The following IP6K1 variants were observed in gnomAD, a reference collection of about 807,000 sequenced individuals.
IP6K1 encodes the protein inositol hexakisphosphate kinase 1.
IP6K1 carries 13 observed loss-of-function variants against 38.3 expected under a neutral mutation model. That is an observed-to-expected ratio of 0.34 (90% CI 0.22 to 0.54). The LOEUF is 0.54. Among genes scored for constraint, IP6K1 ranks in the 20% least tolerant of loss-of-function variants. The pLI is 0.92. For missense variants in IP6K1, 397 were observed against 599.8 expected (o/e 0.66, Z 3.53); for synonymous variants, 212 against 229.9 (o/e 0.92, Z 0.70).
chr3:49,731,948 G>GAGA (rs1471539752), intron 4 of IP6K1, among the ~76,000 whole-genome samples: 1 of 145,246 alleles, frequency 6.9e-6, no homozygotes, highest in Non-Finnish European at 1.5e-5. Context: ...TTCTGGAGAT[G>GAGA]AGACAGGGTC....
intron 1 of IP6K1, among the ~76,000 whole-genome samples, chr3:49,767,895 A>T (rs761748946): frequency 6.6e-6 from 1 of 152,206 alleles, no homozygotes; most frequent in African/African-American, 2.4e-5. Flanking sequence ...AACCCAATTC[A>T]TAAATGGGCA....
chr3:49,782,372 T>C (rs1000642204), intron 1 of IP6K1, among the ~76,000 whole-genome samples: 5 of 152,024 alleles, frequency 3.3e-5, no homozygotes, highest in African/African-American at 4.8e-5. Context: ...TTTTTCACCA[T>C]GTTGGTCAGG....
At chr3:49,752,525 A>ATGTG (rs372243529) in intron 1 of IP6K1, among the ~76,000 whole-genome samples, 5,370 of 146,148 alleles carry the variant, frequency 0.037, 300 homozygotes, top group African/African-American at 0.12. Context: ...TCACTTTTGC[A>ATGTG]TGTGTGTGTG....
intron 2 of IP6K1, among the ~76,000 whole-genome samples, chr3:49,742,833 G>C (rs1368734795): frequency 6.6e-6 from 1 of 151,960 alleles, no homozygotes; most frequent in Non-Finnish European, 1.5e-5. Flanking sequence ...CAAGGCTGTG[G>C]TGAGTTGAGA....
At chr3:49,731,470 G>A (rs2080561089) in intron 4 of IP6K1, among the ~76,000 whole-genome samples, 1 of 152,120 alleles carries the variant, frequency 6.6e-6, no homozygotes, top group South Asian at 2.1e-4. Flanking sequence ...ATATGGAGGA[G>A]GCTGCAGAAA....
At chr3:49,750,496 A>C (rs1298015082) in intron 1 of IP6K1, among the ~76,000 whole-genome samples, 1 of 152,076 alleles carries the variant, frequency 6.6e-6, no homozygotes, top group Non-Finnish European at 1.5e-5. Context: ...GGAGTTCAAG[A>C]CCAGCCTGGC....
Position 49,727,585 on chromosome 3 carries a change from C to T in IP6K1, c.863G>A (p.Gly288Asp). Residue 288 changes from glycine to aspartate, a missense_variant, in exon 6 of 6, where the codon GGC (glycine) becomes GAC (aspartate). Physicochemically the swap from Gly to Asp is moderately conservative, Grantham distance 94. Around this residue, in one of 3 missense-constraint regions of IP6K1, gnomAD observed 164 missense variants for 213.5 expected, o/e 0.77. Coordinates refer to ENST00000321599, the MANE Select transcript of IP6K1 (RefSeq NM_153273.4). This position sits in a 1 kb window ranked among gnomAD's most constrained non-coding sequence, Gnocchi z 5.9. The part of the protein sequence containing the change: ...KYYGRGLSIE[G>D]FRNALYQYLH... The stretch of plus-strand genomic sequence containing the variant: ...ATATTGATAGAGGGCATTGCGGAAG[C>T]CTTCAATGGAGAGCCCACGGCCATA... The T allele has an allele frequency of 6.2e-7, 1 of 1,614,182 alleles. No individual in the cohort carries two copies. Among genetic ancestry groups the T allele is most frequent in the Non-Finnish European group, 8.5e-7 (1 of 1,180,034 alleles).
intron 2 of IP6K1, among the ~76,000 whole-genome samples, chr3:49,747,340 T>A (rs988909550): frequency 2.3e-4 from 35 of 152,352 alleles, no homozygotes; most frequent in African/African-American, 8.2e-4. Flanking sequence ...TAAAATAAAT[T>A]ATTTTTCCTT....
chr3:49,775,910 T>C (rs1300085915), intron 1 of IP6K1, among the ~76,000 whole-genome samples: 1 of 151,758 alleles, frequency 6.6e-6, no homozygotes, highest in Non-Finnish European at 1.5e-5. Flanking sequence ...ATGTTCTCCC[T>C]CAACCAAGAT....
chr3:49,766,337 C>T (rs1305115756), intron 1 of IP6K1, among the ~76,000 whole-genome samples: 2 of 151,904 alleles, frequency 1.3e-5, no homozygotes, highest in Non-Finnish European at 2.9e-5. Context: ...CCACTGCACT[C>T]CAGCCTGGGT....
chr3:49,751,789 G>A (rs946919949), intron 1 of IP6K1, among the ~76,000 whole-genome samples: 15 of 152,140 alleles, frequency 9.9e-5, no homozygotes, highest in African/African-American at 2.4e-4. Context: ...TGCAAAGAAC[G>A]CTATGTATGA....
At chr3:49,755,958 G>A (rs1323415363) in intron 1 of IP6K1, among the ~76,000 whole-genome samples, 1 of 152,142 alleles carries the variant, frequency 6.6e-6, no homozygotes, top group Non-Finnish European at 1.5e-5. Context: ...GTGAGGAGAA[G>A]GGAAACATAG....
At chr3:49,743,584 TGGGA>T (rs1381202090) in intron 2 of IP6K1, among the ~76,000 whole-genome samples, 1 of 147,290 alleles carries the variant, frequency 6.8e-6, no homozygotes, top group Non-Finnish European at 1.5e-5. Flanking sequence ...GGGGCTGAGG[TGGGA>T]GGATCACTTG....
intron 1 of IP6K1, among the ~76,000 whole-genome samples, chr3:49,765,335 A>AT (rs1227580001): frequency 6.6e-6 from 1 of 152,118 alleles, no homozygotes; most frequent in East Asian, 1.9e-4. Context: ...GGGTAACTAC[A>AT]TAAGTAAACA....
rs2080475466 is a variant in IP6K1 at position 49,724,366 on chromosome 3, A to G, written c.*2756T>C. 6.6e-6 allele frequency: 1 copy of G among 152,330 alleles called. No homozygotes were observed. The highest frequency in any genetic ancestry group is 1.9e-4 in the East Asian group (1 of 5,194). 9.4% of individuals were successfully genotyped at this position (152,330 alleles called of 1,614,324 possible). On this transcript the variant is annotated 3_prime_UTR_variant, in exon 6 of 6. Transcript: ENST00000321599. Reference sequence around the variant, plus strand: ...GCGGGGCGGGCAGCGCTAGGTGTACAGAAAGGAGCGGGCTCGGACCGAGCA... The same window carrying G: ...GCGGGGCGGGCAGCGCTAGGTGTACGGAAAGGAGCGGGCTCGGACCGAGCA...
At chr3:49,730,030 C>T (rs376323930) in intron 4 of IP6K1, among the ~76,000 whole-genome samples, 19 of 152,076 alleles carry the variant, frequency 1.2e-4, no homozygotes, top group African/African-American at 4.1e-4. Context: ...GCAGCTGAGA[C>T]TACAGGTGTC....
intron 1 of IP6K1, chr3:49,775,368 CAAGT>C (rs2080998092): frequency 5.8e-6 from 2 of 344,728 alleles, no homozygotes; most frequent in Non-Finnish European, 5.7e-6. Context: ...AATGTGACAG[CAAGT>C]GTGTGATTTG....
chr3:49,769,547 T>TG, intron 1 of IP6K1, among the ~76,000 whole-genome samples: 1 of 152,294 alleles, frequency 6.6e-6, no homozygotes, highest in Non-Finnish European at 1.5e-5. Flanking sequence ...AGCAAACCAA[T>TG]GGGGAGAGAA....
Position 49,727,852 on chromosome 3 carries a change from G to A in IP6K1, c.793-197C>T, listed in dbSNP as rs1191218616. ...AAGAGAAAGCAATACCAGGCCTATGGGTTCCCTGCCCCCAGCTTTGGAGCC... is the reference window on the plus strand; with the variant it reads ...AAGAGAAAGCAATACCAGGCCTATGAGTTCCCTGCCCCCAGCTTTGGAGCC... On this transcript the variant is annotated intron_variant, in intron 5 of 5. Coordinates refer to ENST00000321599, the MANE Select transcript of IP6K1 (RefSeq NM_153273.4). The surrounding 1 kb of genome is among the most constrained non-coding windows in gnomAD (Gnocchi z 5.9). Among the ~76,000 whole-genome samples, 1 of 152,174 alleles carries A rather than the reference G, an allele frequency of 6.6e-6. No individual in the cohort carries two copies. The highest frequency in any genetic ancestry group is 2.4e-5 in the African/African-American group (1 of 41,440).
Sources: gnomAD v4.1 joint callset for allele counts (sites outside exome capture counted in the v4.1 genomes callset) on GRCh38, gnomAD v4.1.1 for gene constraint, gnomAD v4.1.1 regional missense constraint, Gnocchi (gnomAD v3.1) non-coding constraint, MANE v1.5 for transcripts, NCBI Gene and HGNC (gene_info 2026-07-23, HGNC 2026-07-21) for gene names.